Variants in CAPN15 observed in about 807,000 individuals in gnomAD.
CAPN15 encodes calpain-15.
CAPN15 carries 53 observed loss-of-function variants against 97.9 expected under a neutral mutation model. The ratio of observed to expected loss-of-function variants is 0.54; its 90% CI spans 0.43 to 0.68. The LOEUF (loss-of-function observed/expected upper bound fraction) is 0.68, where lower values mean the gene tolerates loss of function less well. Among genes scored for constraint, CAPN15 ranks in the 30% least tolerant of loss-of-function variants. The pLI, the probability that CAPN15 is intolerant of heterozygous loss-of-function variation, is 0.00. For missense variants in CAPN15, 1,592 were observed against 1,589.8 expected, an observed-to-expected ratio of 1.00 and a Z score of -0.02; for synonymous variants, 922 against 722.5, an observed-to-expected ratio of 1.28 and a Z score of -4.43.
At position 551,509 on chromosome 16, in the gene CAPN15, C is replaced by T. The variant is rs769495632; in HGVS notation, c.2193-3C>T. ...TTCAGATCCTCACCCCTGTGGTCTGCAGGCTTCTGCGGCTCCGAAACCCGT... is the reference window on the plus strand; with the variant it reads ...TTCAGATCCTCACCCCTGTGGTCTGTAGGCTTCTGCGGCTCCGAAACCCGT... On this transcript the variant is annotated splice_polypyrimidine_tract_variant and splice_region_variant and intron_variant, in intron 8 of 13. Coordinates refer to ENST00000219611, the MANE Select transcript of CAPN15 (RefSeq NM_005632.3). 3.5e-5 allele frequency: 56 copies of T among 1,608,870 alleles called. No homozygotes were observed. In the East Asian group the frequency reaches 1.2e-3, roughly 35 times the overall value.
At position 552,618 on chromosome 16, in the gene CAPN15, G is replaced by T; in HGVS notation, c.2751G>T (p.Ser917=). ...CCGTCCTTGTAGCCTCCAGCCCCTC[G>T]GCAGGGGTCCCGAGAGCCTCCCCAG... is the stretch of plus-strand genomic sequence containing the variant. ...GTPAPQASSP[S]AGVPRASPEP... Residue 917 remains serine, a synonymous_variant, in exon 12 of 14, where the codon TCG becomes TCT. Transcript: ENST00000219611. This position sits in a 1 kb window ranked among gnomAD's most constrained non-coding sequence, Gnocchi z 6.4. 1 of 1,537,736 alleles carries T rather than the reference G, an allele frequency of 6.5e-7. No individual in the cohort carries two copies.
At chr16:550,143 A>C (rs899260615) in intron 7 of CAPN15, among the ~76,000 whole-genome samples, 12 of 149,158 alleles carry the variant, frequency 8.0e-5, no homozygotes. Flanking sequence ...GGCGAGACTG[A>C]TGCCGTCATC....
At chr16:548,414 A>G in intron 4 of CAPN15, 127 bp downstream of exon 4, 1 of 957,786 alleles carries the variant, frequency 1.0e-6, no homozygotes. Context: ...TGGGGAGGGC[A>G]GCACCCTCCG....
Position 546,830 on chromosome 16 carries a change from C to T in CAPN15, c.-9C>T, listed in dbSNP as rs529612301. 12 of 1,592,498 alleles carry T rather than the reference C, an allele frequency of 7.5e-6. No homozygotes were observed. Among genetic ancestry groups the T allele is most frequent in the African/African-American group, 5.3e-5 (4 of 74,792 alleles). ...CTTCCCTTGCAGCCACACCCACTCG[C>T]CCGGGTCTATGGCCACGGTCGGAGA... On this transcript the variant is annotated 5_prime_UTR_variant, in exon 4 of 14. Transcript: ENST00000219611.
chr16:541,555 C>T (rs1293728759), intron 3 of CAPN15, among the ~76,000 whole-genome samples: 1 of 152,230 alleles, frequency 6.6e-6, no homozygotes, highest in Non-Finnish European at 1.5e-5. Context: ...TGTTACCGCA[C>T]CAGCCGCCTC....
rs1290648381 is a variant in CAPN15 at position 553,044 on chromosome 16, G to T, written c.3083+3G>T. ...GATAGCGTGCCACCCCTGCACAGGT[G>T]CGCCCCCGCCCCTGCCCCCCCACCC... On this transcript the variant is annotated splice_donor_region_variant and intron_variant, in intron 13 of 13. Transcript: ENST00000219611. 1 of 1,452,700 alleles carries T rather than the reference G, an allele frequency of 6.9e-7. No homozygotes were observed. Among genetic ancestry groups the T allele is most frequent in the African/African-American group, 1.6e-5 (1 of 62,626 alleles). 90.0% of individuals were successfully genotyped at this position (1,452,700 alleles called of 1,614,324 possible). A position where few individuals can be genotyped will look rare whatever the true frequency, so the allele number is the denominator to read the frequency against.
In CAPN15 at chr16:553,477, G is replaced by A. The variant is rs149989399; in HGVS notation, c.3222G>A (p.Thr1074=). The A allele has an allele frequency of 2.3e-4, 374 of 1,609,078 alleles. 1 individual carries two copies. Among genetic ancestry groups the A allele is most frequent in the African/African-American group, 1.4e-3 (101 of 74,216 alleles). Residue 1074 remains threonine, a synonymous_variant, in exon 14 of 14, where the codon ACG becomes ACA. Coordinates refer to ENST00000219611, the MANE Select transcript of CAPN15 (RefSeq NM_005632.3). ...AGGGGACCCACAGCCCCCCACTCAC[G>A]CCAGAGGTCGCCGGTCTGCATGGGC... ...ASKGTHSPPL[T]PEVAGLHGPR... is the part of the protein sequence containing the mutation.
intron 1 of CAPN15, among the ~76,000 whole-genome samples, chr16:530,240 G>T (rs181584377): frequency 1.4e-4 from 22 of 152,324 alleles, no homozygotes; most frequent in Admixed American, 3.9e-4. Context: ...ACTTGGGACC[G>T]CCCTGTCTCC....
chr16:554,588 C>T lies in CAPN15; in HGVS notation c.*1072C>T, dbSNP rs1232261236. 2.2e-6 allele frequency: 1 copy of T among 456,262 alleles called. No individual in the cohort carries two copies. Among genetic ancestry groups the T allele is most frequent in the Non-Finnish European group, 4.4e-6 (1 of 226,760 alleles). The allele number at this position is 456,262 out of a possible 1,614,324, so 28.3% of individuals were successfully genotyped here. ...TTTACCATAGGATTCTCCACAGTGG[C>T]TTCCGACTCAGGCTCCAATGGACCA... On this transcript the variant is annotated 3_prime_UTR_variant, in exon 14 of 14. Transcript: ENST00000219611.
Position 554,520 on chromosome 16 carries a change from C to G in CAPN15, c.*1004C>G, listed in dbSNP as rs1415796186. 4.4e-6 allele frequency: 2 copies of G among 456,072 alleles called. No homozygotes were observed. The highest frequency in any genetic ancestry group is 8.8e-6 in the Non-Finnish European group (2 of 226,762). 28.3% of individuals were successfully genotyped at this position (456,072 alleles called of 1,614,324 possible). A position where few individuals can be genotyped will look rare whatever the true frequency, so the allele number is the denominator to read the frequency against. On this transcript the variant is annotated 3_prime_UTR_variant, in exon 14 of 14. Coordinates refer to ENST00000219611, the MANE Select transcript of CAPN15 (RefSeq NM_005632.3). Reference sequence around the variant, plus strand: ...TTTAACCCTGTAAATACGGCCAGCTCTTGTGACACAGAGACTATTTTATCA... The same window carrying G: ...TTTAACCCTGTAAATACGGCCAGCTGTTGTGACACAGAGACTATTTTATCA...
chr16:539,080 T>TAA (rs1178538536), intron 3 of CAPN15: 1 of 152,250 alleles, frequency 6.6e-6, no homozygotes, highest in East Asian at 1.9e-4. Flanking sequence ...TAGTTTTCTA[T>TAA]AAAGACAGGG....
chr16:554,608 G>A lies in CAPN15; in HGVS notation c.*1092G>A. 2.2e-6 allele frequency: 1 copy of A among 456,246 alleles called. No homozygotes were observed. Among genetic ancestry groups the A allele is most frequent in the South Asian group, 1.5e-5 (1 of 64,562 alleles). 28.3% of individuals were successfully genotyped at this position (456,246 alleles called of 1,614,324 possible). ...AGTGGCTTCCGACTCAGGCTCCAATGGACCAAATAAAAGCGTTTTGTTTTG... is the reference window on the plus strand; with the variant it reads ...AGTGGCTTCCGACTCAGGCTCCAATAGACCAAATAAAAGCGTTTTGTTTTG... On this transcript the variant is annotated 3_prime_UTR_variant, in exon 14 of 14. Transcript: ENST00000219611.
chr16:547,644 C>T lies in CAPN15; in HGVS notation c.806C>T (p.Ala269Val). 2 of 1,569,602 alleles carry T rather than the reference C, an allele frequency of 1.3e-6. No homozygotes were observed. The highest frequency in any genetic ancestry group is 1.1e-5 in the South Asian group (1 of 87,542). Residue 269 changes from alanine (A) to valine (V), a missense_variant, in exon 4 of 14, where the codon GCC (alanine) becomes GTC (valine). Physicochemically the swap from Ala to Val is moderately conservative, Grantham distance 64. This residue lies in a region of CAPN15 where 883 missense variants were observed against 776.6 expected (regional missense o/e 1.14). Transcript: ENST00000219611. ...GAGGCTGCCCAGCCGTCACCCTCTG[C>T]CGGCTGCAGGGGAGCCCCCCAGGGC... ...VPEAAQPSPSAGCRGAPQGSG... is the reference protein window; with the variant it reads ...VPEAAQPSPSVGCRGAPQGSG...
At chr16:548,517 C>T (rs529988367) in intron 4 of CAPN15, among the ~76,000 whole-genome samples, 3 of 152,362 alleles carry the variant, frequency 2.0e-5, no homozygotes, top group African/African-American at 7.2e-5. Context: ...GACCTTCACC[C>T]CCCTCAACCC....
Position 552,799 on chromosome 16 carries a change from C to CGTGGGGGGGGGGGGG in CAPN15, c.2904+34_2904+35insGGGGGGGGGGTGGGG. The CGTGGGGGGGGGGGGG allele has an allele frequency of 9.9e-6, 15 of 1,510,872 alleles. No individual in the cohort carries two copies. The highest frequency in any genetic ancestry group is 2.8e-5 in the African/African-American group (2 of 71,590). The allele number at this position is 1,510,872 out of a possible 1,614,324, so 93.6% of individuals were successfully genotyped here. ...GGGTGGGGGTCCCGGGGGAGGGTGG[C>CGTGGGGGGGGGGGGG]GTGGGGCAGGGGGAGTATGCCCCAG... On this transcript the variant is annotated intron_variant, in intron 12 of 13. Coordinates refer to ENST00000219611, the MANE Select transcript of CAPN15 (RefSeq NM_005632.3). This position sits in a 1 kb window ranked among gnomAD's most constrained non-coding sequence, Gnocchi z 6.4.
intron 3 of CAPN15, chr16:540,048 TTC>T (rs963139009): frequency 4.1e-6 from 4 of 980,408 alleles, no homozygotes; most frequent in Middle Eastern, 5.3e-4. Context: ...CTTCTCTATT[TTC>T]TCTCTCTGTC....
chr16:529,230 C>T (rs529903870), intron 1 of CAPN15, among the ~76,000 whole-genome samples: 34 of 152,202 alleles, frequency 2.2e-4, no homozygotes, highest in African/African-American at 6.5e-4. Context: ...CAGGAGAGCC[C>T]GAGGCTCAGT....
At position 552,037 on chromosome 16, in the gene CAPN15, C is replaced by T. The variant is rs752698378; in HGVS notation, c.2346-14C>T. On this transcript the variant is annotated splice_polypyrimidine_tract_variant and intron_variant, in intron 9 of 13. Coordinates refer to ENST00000219611, the MANE Select transcript of CAPN15 (RefSeq NM_005632.3). The surrounding 1 kb of genome is among the most constrained non-coding windows in gnomAD (Gnocchi z 6.4). ...CGTGGTAGGCTCAGGGCCCCGTCCT[C>T]CCGCCACCTGCAGGTACTTCGACTC... The T allele has an allele frequency of 6.5e-6, 10 of 1,547,156 alleles. No individual in the cohort carries two copies. The highest frequency in any genetic ancestry group is 1.2e-5 in the South Asian group (1 of 83,866).
At position 548,053 on chromosome 16, in the gene CAPN15, C is replaced by CCAGAAG; in HGVS notation, c.1215_1216insCAGAAG (p.Ala405_Ala406insGlnLys). ...GACGGGTGTCCTCGGCCCAGAAGGC[C>CCAGAAG]GCCCGCGTCCTGCCCGAGCGCCCGG... On this transcript the variant is annotated inframe_insertion, in exon 4 of 14. Coordinates refer to ENST00000219611, the MANE Select transcript of CAPN15 (RefSeq NM_005632.3). 1.3e-6 allele frequency: 2 copies of CCAGAAG among 1,550,578 alleles called. No homozygotes were observed. The highest frequency in any genetic ancestry group is 1.7e-6 in the Non-Finnish European group (2 of 1,148,938).
Sources: gnomAD v4.1 joint callset for allele counts (sites outside exome capture counted in the v4.1 genomes callset) on GRCh38, gnomAD v4.1.1 for gene constraint, gnomAD v4.1.1 regional missense constraint, Gnocchi (gnomAD v3.1) non-coding constraint, MANE v1.5 for transcripts, NCBI Gene and HGNC (gene_info 2026-07-23, HGNC 2026-07-21) for gene names.